TBC1D9B: variants seen among roughly 807,000 people sequenced by gnomAD.
TBC1D9B encodes TBC1 domain family, member 9B (with GRAM domain).
In TBC1D9B, 87 loss-of-function variants were observed where a neutral mutation model predicts 121.1. The observed-to-expected ratio is 0.72, with a 90% CI of 0.60 to 0.86. The LOEUF (loss-of-function observed/expected upper bound fraction) is 0.86. Among genes scored for constraint, TBC1D9B ranks in the 40% least tolerant of loss-of-function variants. The pLI is 0.00. For synonymous variants in TBC1D9B, 668 were observed against 670.1 expected (o/e 1.00, Z 0.05); for missense variants, 1,540 against 1,628.6 (o/e 0.95, Z 0.94).
chr5:179,899,297 G>C lies in TBC1D9B; in HGVS notation c.240C>G (p.Arg80=), dbSNP rs757945009. 27 of 1,613,340 alleles carry C rather than the reference G, an allele frequency of 1.7e-5. No individual in the cohort carries two copies. Among genetic ancestry groups the C allele is most frequent in the Admixed American group, 3.3e-5 (2 of 59,894 alleles). ...VYWTVACGSS[R]KEITKHWEWL... ...ATTCCCAGTGTTTTGTGATCTCTTT[G>C]CGGGAAGAACCTAGAAGAGGTTTGG... The change falls in exon 3 of 21, where the codon CGC becomes CGG. Residue 80 remains arginine, a synonymous_variant. Coordinates refer to ENST00000355235, the MANE Select transcript of TBC1D9B (RefSeq NM_015043.4).
chr5:179,870,555 C>T, intron 15 of TBC1D9B, 60 bp from the exon 16 acceptor site: 1 of 1,527,468 alleles, frequency 6.5e-7, no homozygotes, highest in Non-Finnish European at 8.8e-7. Context: ...GAGGGGACCC[C>T]TAGGCTGGTG....
rs1170643069 is a variant in TBC1D9B, at chr5:179,872,895, A to G, written c.2412T>C (p.Ser804=). Residue 804 remains serine, a synonymous_variant, in exon 14 of 21, where the codon AGT becomes AGC. Transcript: ENST00000355235. ...CCAGCCCTGCTGGCACCCATACCACACTCCTCTTGGCCGTGTCCTCCAAGG... is the reference window on the plus strand; with the variant it reads ...CCAGCCCTGCTGGCACCCATACCACGCTCCTCTTGGCCGTGTCCTCCAAGG... The part of the protein sequence containing the change: ...IQSLEDTAKR[S]VVRAIPVDIG... The G allele has an allele frequency of 6.4e-7, 1 of 1,563,510 alleles. No individual in the cohort carries two copies. The highest frequency in any genetic ancestry group is 1.1e-5 in the South Asian group (1 of 90,104).
At chr5:179,878,603 G>A (rs1760433080) in intron 9 of TBC1D9B, 80 bp from the exon 10 acceptor site, 7 of 1,381,666 alleles carry the variant, frequency 5.1e-6, no homozygotes, top group South Asian at 4.1e-5. Flanking sequence ...TGGAGTCACC[G>A]GGTGCCCCAC....
Position 179,863,853 on chromosome 5 carries a change from G to T in TBC1D9B, c.3297C>A (p.His1099Gln). 6.2e-7 allele frequency: 1 copy of T among 1,613,362 alleles called. No homozygotes were observed. Among genetic ancestry groups the T allele is most frequent in the Non-Finnish European group, 8.5e-7 (1 of 1,179,690 alleles). The change falls in exon 21 of 21, where the codon CAC (histidine) becomes CAA (glutamine). Residue 1099 changes from histidine to glutamine, a missense_variant. Physicochemically the swap from His to Gln is conservative, Grantham distance 24. Coordinates refer to ENST00000355235, the MANE Select transcript of TBC1D9B (RefSeq NM_015043.4). This position sits in a 1 kb window ranked among gnomAD's most constrained non-coding sequence, Gnocchi z 4.5. ...GGCTCTCCTGTGGGGCTTTTCCGAG[G>T]TGTGTGTCTCCGCCTGCTTTGGCTT... is the stretch of plus-strand genomic sequence containing the variant. ...DPQAKAGGDT[H>Q]LGKAPQESQV... is the part of the protein sequence containing the mutation.
At chr5:179,888,382 G>A in intron 6 of TBC1D9B, 70 bp from the exon 7 acceptor site, 1 of 1,468,990 alleles carries the variant, frequency 6.8e-7, no homozygotes, top group Non-Finnish European at 9.4e-7. Context: ...CTTTGTGAAT[G>A]GCAGACTGTC....
intron 1 of TBC1D9B, among the ~76,000 whole-genome samples, chr5:179,905,254 G>C (rs1761280260): frequency 6.6e-6 from 1 of 152,182 alleles, no homozygotes; most frequent in African/African-American, 2.4e-5. Flanking sequence ...TTTCCTAACT[G>C]CCATGTGCGT....
intron 7 of TBC1D9B, among the ~76,000 whole-genome samples, chr5:179,881,678 G>A (rs1359867613): frequency 6.6e-6 from 1 of 152,120 alleles, no homozygotes; most frequent in Non-Finnish European, 1.5e-5. Context: ...TAATCTCACT[G>A]TCTCCTTTCC....
chr5:179,865,397 G>A lies in TBC1D9B; in HGVS notation c.2915-37C>T. 2.5e-6 allele frequency: 4 copies of A among 1,593,870 alleles called. No homozygotes were observed. Among genetic ancestry groups the A allele is most frequent in the Non-Finnish European group, 3.4e-6 (4 of 1,161,862 alleles). On this transcript the variant is annotated intron_variant, in intron 19 of 20. Transcript: ENST00000355235. This position sits in a 1 kb window ranked among gnomAD's most constrained non-coding sequence, Gnocchi z 5.1. ...GAGGAAAGAGATTAATCTTTGTCAT[G>A]TGAGACGGCTGCGGGCTGACAGCAG... is the stretch of plus-strand genomic sequence containing the variant.
chr5:179,899,447 T>A, intron 2 of TBC1D9B, 140 bp from the exon 3 acceptor site: 1 of 703,316 alleles, frequency 1.4e-6, no homozygotes, highest in Non-Finnish European at 2.5e-6. Context: ...TTTTCCCTCT[T>A]AAGCTGATGG....
Position 179,879,208 on chromosome 5 carries a change from A to C in TBC1D9B, c.1417-11T>G. ...CATCTTCTCCTTGGCCTGAGGGAAA[A>C]GCGCATCAGGGAGCCTGGGGGCCGA... is the stretch of plus-strand genomic sequence containing the variant. On this transcript the variant is annotated splice_polypyrimidine_tract_variant and intron_variant, in intron 8 of 20. Transcript: ENST00000355235. 1 of 1,596,846 alleles carries C rather than the reference A, an allele frequency of 6.3e-7. No homozygotes were observed. The highest frequency in any genetic ancestry group is 8.5e-7 in the Non-Finnish European group (1 of 1,177,998).
chr5:179,887,912 T>G (rs1383884127), intron 7 of TBC1D9B, 191 bp downstream of exon 7: 4 of 683,986 alleles, frequency 5.8e-6, no homozygotes, highest in Non-Finnish European at 1.0e-5. Context: ...TGGCTGGGGG[T>G]GCAGAGAGGC....
At chr5:179,883,037 T>G (rs1561641259) in intron 7 of TBC1D9B, among the ~76,000 whole-genome samples, 1 of 152,192 alleles carries the variant, frequency 6.6e-6, no homozygotes, top group Non-Finnish European at 1.5e-5. Flanking sequence ...TTTTGTATTT[T>G]TAGTAGAGAC....
intron 16 of TBC1D9B, 117 bp downstream of exon 16, chr5:179,870,138 G>T: frequency 1.3e-6 from 2 of 1,510,002 alleles, no homozygotes; most frequent in Non-Finnish European, 1.8e-6. Flanking sequence ...AGGGCCAGGG[G>T]CTCAAGCTGC....
intron 1 of TBC1D9B, among the ~76,000 whole-genome samples, chr5:179,905,333 T>C (rs1220957947): frequency 2.0e-5 from 3 of 152,222 alleles, no homozygotes; most frequent in Admixed American, 6.5e-5. Context: ...AGGACAATGA[T>C]TCTGCAACAT....
chr5:179,885,593 CCA>C lies in TBC1D9B; in HGVS notation c.1254+2508_1254+2509del, dbSNP rs1491563412. On this transcript the variant is annotated intron_variant, in intron 7 of 20. Coordinates refer to ENST00000355235, the MANE Select transcript of TBC1D9B (RefSeq NM_015043.4). This position sits in a 1 kb window ranked among gnomAD's most constrained non-coding sequence, Gnocchi z 4.5. ...GACAGAGCAAGACTCTGTCCCCCCC[CCA>C]AAAAAAAAAAGATGGAGGTATTTTA... Among the ~76,000 whole-genome samples, 783 of 123,848 alleles carry C rather than the reference CCA, an allele frequency of 6.3e-3. 3 individuals carry two copies. The highest frequency in any genetic ancestry group is 0.02 in the African/African-American group (736 of 36,948). 81.2% of individuals were successfully genotyped at this position (123,848 alleles called of 152,430 possible).
rs753271697 is a variant in TBC1D9B, at chr5:179,899,410, T to C, written c.230-103A>G. 110 of 915,026 alleles carry C rather than the reference T, an allele frequency of 1.2e-4. 1 individual carries two copies. In the Middle Eastern group the frequency reaches 2.0e-3, roughly 17 times the overall value. 56.7% of individuals were successfully genotyped at this position (915,026 alleles called of 1,614,324 possible). On this transcript the variant is annotated intron_variant, in intron 2 of 20. Coordinates refer to ENST00000355235, the MANE Select transcript of TBC1D9B (RefSeq NM_015043.4). ...AAAGTGGGTGACCTCATTTGCTAAATCTAAGTGACCAGAATCTTCAAGCTG... is the reference window on the plus strand; with the variant it reads ...AAAGTGGGTGACCTCATTTGCTAAACCTAAGTGACCAGAATCTTCAAGCTG...
chr5:179,886,009 T>C (rs905927607), intron 7 of TBC1D9B, among the ~76,000 whole-genome samples: 9 of 152,224 alleles, frequency 5.9e-5, no homozygotes, highest in African/African-American at 1.9e-4. Context: ...CAGCTTGCTG[T>C]GCTCTCTGCC....
intron 10 of TBC1D9B, among the ~76,000 whole-genome samples, chr5:179,876,581 G>A (rs1427002341): frequency 6.6e-6 from 1 of 152,174 alleles, no homozygotes; most frequent in Non-Finnish European, 1.5e-5. Flanking sequence ...CCAGGAAAAT[G>A]CCTAGATTTA....
chr5:179,871,525 T>C lies in TBC1D9B; in HGVS notation c.2421A>G (p.Arg807=). The change falls in exon 15 of 21, where the codon CGA becomes CGG. Residue 807 remains arginine, a synonymous_variant. Transcript: ENST00000355235. ...AGAAACCAATGTCCACAGGTATAGCTCGGACCTAGAAGGAAGGAGAAACAG... is the reference window on the plus strand; with the variant it reads ...AGAAACCAATGTCCACAGGTATAGCCCGGACCTAGAAGGAAGGAGAAACAG... ...LEDTAKRSVV[R]AIPVDIGFSI... is the part of the protein sequence containing the mutation. 1 of 1,612,758 alleles carries C rather than the reference T, an allele frequency of 6.2e-7. No homozygotes were observed. The highest frequency in any genetic ancestry group is 8.5e-7 in the Non-Finnish European group (1 of 1,179,428).
Sources: allele counts gnomAD v4.1 joint callset (sites outside exome capture counted in the v4.1 genomes callset), GRCh38; gene constraint gnomAD v4.1.1; non-coding constraint Gnocchi (gnomAD v3.1); transcripts MANE v1.5; gene names NCBI Gene and HGNC (gene_info 2026-07-23, HGNC 2026-07-21).